The following VASN variants were observed in gnomAD, a reference collection of about 807,000 sequenced individuals.
VASN encodes protein slit-like 2.
VASN carries 5 observed loss-of-function variants against 4.8 expected under a neutral mutation model. The observed-to-expected ratio is 1.03, with a 90% CI of 0.54 to 2.17. The LOEUF (loss-of-function observed/expected upper bound fraction) is 2.17. Among genes scored for constraint, VASN ranks in the 30% most tolerant of loss-of-function variants. The pLI, the probability that VASN is intolerant of heterozygous loss-of-function variation, is 0.01. For missense variants in VASN, 927 were observed against 948.8 expected (o/e 0.98, Z 0.30); for synonymous variants, 499 against 460.8 (o/e 1.08, Z -1.06).
intron 1 of VASN, among the ~76,000 whole-genome samples, chr16:4,373,289 C>T (rs1469569197): frequency 6.6e-6 from 1 of 152,094 alleles, no homozygotes; most frequent in African/African-American, 2.4e-5. Context: ...TATCTAGCCT[C>T]CCCTGGGCCT....
intron 1 of VASN, among the ~76,000 whole-genome samples, chr16:4,378,325 C>A (rs1339127064): frequency 1.3e-5 from 2 of 151,776 alleles, no homozygotes; most frequent in Non-Finnish European, 2.9e-5. Flanking sequence ...CCAAGGGGAG[C>A]TGCGGCCACA....
chr16:4,372,606 G>T (rs7200336), intron 1 of VASN, among the ~76,000 whole-genome samples: 98,985 of 152,044 alleles, frequency 0.65, 33,700 homozygotes, highest in East Asian at 0.8. Flanking sequence ...CCTCTGCCAG[G>T]GAAGGGGCTT....
At chr16:4,373,750 G>A (rs1345859107) in intron 1 of VASN, among the ~76,000 whole-genome samples, 1 of 152,124 alleles carries the variant, frequency 6.6e-6, no homozygotes, top group African/African-American at 2.4e-5. Flanking sequence ...ACACAACACT[G>A]GGCAGCCTCT....
At chr16:4,374,692 T>C (rs536935466) in intron 1 of VASN, among the ~76,000 whole-genome samples, 3 of 152,134 alleles carry the variant, frequency 2.0e-5, no homozygotes, top group South Asian at 4.1e-4. Flanking sequence ...CGCCTGCCCA[T>C]TGATCAGCTC....
chr16:4,381,775 T>A lies in VASN; in HGVS notation c.898T>A (p.Phe300Ile), dbSNP rs2054982911. 5.6e-6 allele frequency: 9 copies of A among 1,601,178 alleles called. No homozygotes were observed. The highest frequency in any genetic ancestry group is 6.8e-6 in the Non-Finnish European group (8 of 1,179,342). ...LRLLAAARNP[F>I]NCVCPLSWFG... ...GCTGCTGGCAGCTGCCCGCAACCCC[T>A]TCAACTGCGTGTGCCCCCTGAGCTG... Residue 300 changes from phenylalanine (F) to isoleucine (I), a missense_variant, in exon 2 of 2, where the codon TTC becomes ATC. By Grantham distance (21) the Phe-to-Ile change is conservative (BLOSUM62 0). Transcript: ENST00000304735.
In VASN at chr16:4,383,518, G is replaced by C. The variant is rs1233845479; in HGVS notation, c.*619G>C. 1 of 166,980 alleles carries C rather than the reference G, an allele frequency of 6.0e-6. No individual in the cohort carries two copies. The highest frequency in any genetic ancestry group is 2.4e-5 in the African/African-American group (1 of 41,468). The allele number at this position is 166,980 out of a possible 1,614,324, so 10.3% of individuals were successfully genotyped here. ...CCTTTTGTAAGAAAAAATAAAAGAT[G>C]AAGTGTGTTTCTTGGGCTCAGCCCC... On this transcript the variant is annotated 3_prime_UTR_variant, in exon 2 of 2. Coordinates refer to ENST00000304735, the MANE Select transcript of VASN (RefSeq NM_138440.3).
Position 4,371,913 on chromosome 16 carries a change from A to AC in VASN, c.-85dup, listed in dbSNP as rs889100653. 1.2e-4 allele frequency: 18 copies of AC among 150,680 alleles called. No homozygotes were observed. Among genetic ancestry groups the AC allele is most frequent in the African/African-American group, 4.4e-4 (18 of 41,154 alleles). 9.3% of individuals were successfully genotyped at this position (150,680 alleles called of 1,614,324 possible). A position where few individuals can be genotyped will look rare whatever the true frequency, so the allele number is the denominator to read the frequency against. ...GAACGCAGTTGCTTCGGGACCCAGG[A>AC]CCCCCTCGGGCCCGACCCGCCAGGA... On this transcript the variant is annotated 5_prime_UTR_variant, in exon 1 of 2. Transcript: ENST00000304735.
Position 4,381,788 on chromosome 16 carries a change from G to T in VASN, c.911G>T (p.Cys304Phe). The T allele has an allele frequency of 6.2e-7, 1 of 1,600,398 alleles. No individual in the cohort carries two copies. The highest frequency in any genetic ancestry group is 8.5e-7 in the Non-Finnish European group (1 of 1,179,164). The change falls in exon 2 of 2, where the codon TGC (cysteine) becomes TTC (phenylalanine). Residue 304 changes from cysteine (C) to phenylalanine (F), a missense_variant. Cys to Phe is a radical substitution (Grantham distance 205). Coordinates refer to ENST00000304735, the MANE Select transcript of VASN (RefSeq NM_138440.3). ...AAARNPFNCVCPLSWFGPWVR... is the reference protein window; with the variant it reads ...AAARNPFNCVFPLSWFGPWVR... Reference sequence around the variant, plus strand: ...GCCCGCAACCCCTTCAACTGCGTGTGCCCCCTGAGCTGGTTTGGCCCCTGG... The same window carrying T: ...GCCCGCAACCCCTTCAACTGCGTGTTCCCCCTGAGCTGGTTTGGCCCCTGG...
Position 4,381,088 on chromosome 16 carries a change from A to G in VASN, c.211A>G (p.Ser71Gly), listed in dbSNP as rs2054939789. The G allele has an allele frequency of 6.2e-7, 1 of 1,609,426 alleles. No homozygotes were observed. The highest frequency in any genetic ancestry group is 8.5e-7 in the Non-Finnish European group (1 of 1,178,674). ...CGGCATCACCATGCTCGACGCAGGC[A>G]GCTTTGCCGGCCTGCCGGGCCTGCA... ...ENGITMLDAG[S>G]FAGLPGLQLL... is the part of the protein sequence containing the mutation. Residue 71 changes from serine (S) to glycine (G), a missense_variant, in exon 2 of 2, where the codon AGC becomes GGC. Transcript: ENST00000304735.
At chr16:4,379,285 C>T (rs1008064509) in intron 1 of VASN, among the ~76,000 whole-genome samples, 1 of 152,074 alleles carries the variant, frequency 6.6e-6, no homozygotes, top group Non-Finnish European at 1.5e-5. Flanking sequence ...GCTGGCACCC[C>T]GTATGAGGCT....
rs377213714 is a variant in VASN, at chr16:4,381,662, G to T, written c.785G>T (p.Gly262Val). ...CAGCTGCGGCCCGAGGACCTGGCCG[G>T]CCTGGCTGCCCTGCAGGAGCTGGAT... ...IAQLRPEDLA[G>V]LAALQELDVS... is the part of the protein sequence containing the mutation. The change falls in exon 2 of 2, where the codon GGC becomes GTC. Residue 262 changes from glycine (G) to valine (V), a missense_variant. Transcript: ENST00000304735. 6.2e-7 allele frequency: 1 copy of T among 1,604,014 alleles called. No homozygotes were observed. The highest frequency in any genetic ancestry group is 2.2e-5 in the East Asian group (1 of 44,624).
At position 4,382,118 on chromosome 16, in the gene VASN, G is replaced by A. The variant is rs2055000578; in HGVS notation, c.1241G>A (p.Cys414Tyr). 11 of 1,587,640 alleles carry A rather than the reference G, an allele frequency of 6.9e-6. No homozygotes were observed. Among genetic ancestry groups the A allele is most frequent in the Non-Finnish European group, 9.4e-6 (11 of 1,167,632 alleles). The change falls in exon 2 of 2, where the codon TGC becomes TAC. Residue 414 changes from cysteine to tyrosine, a missense_variant. Cys to Tyr is a radical substitution (Grantham distance 194). Transcript: ENST00000304735. ...PQPQDCPPST[C>Y]LNGGTCHLGT... ...CCCCAGGACTGCCCACCGTCCACCT[G>A]CCTCAATGGGGGCACATGCCACCTG...
Position 4,381,584 on chromosome 16 carries a change from G to A in VASN, c.707G>A (p.Arg236Gln), listed in dbSNP as rs756788083. The change falls in exon 2 of 2, where the codon CGA (arginine) becomes CAA (glutamine). Residue 236 changes from arginine to glutamine, a missense_variant. Arg to Gln is a conservative substitution (Grantham distance 43). Transcript: ENST00000304735. ...NQLERVPPVI[R>Q]GLRGLTRLRL... Reference sequence around the variant, plus strand: ...CTGGAGCGAGTGCCACCTGTGATCCGAGGCCTCCGGGGCCTGACGCGCCTG... The same window carrying A: ...CTGGAGCGAGTGCCACCTGTGATCCAAGGCCTCCGGGGCCTGACGCGCCTG... 1.2e-5 allele frequency: 19 copies of A among 1,603,320 alleles called. No homozygotes were observed. Among genetic ancestry groups the A allele is most frequent in the East Asian group, 4.5e-5 (2 of 44,332 alleles).
Position 4,382,596 on chromosome 16 carries a change from C to T in VASN, c.1719C>T (p.Asn573=). 6.3e-7 allele frequency: 1 copy of T among 1,589,232 alleles called. No homozygotes were observed. Among genetic ancestry groups the T allele is most frequent in the Non-Finnish European group, 8.6e-7 (1 of 1,169,538 alleles). The change falls in exon 2 of 2, where the codon AAC becomes AAT. Residue 573 remains asparagine, a synonymous_variant. Transcript: ENST00000304735. ...HAPVTQAREG[N]LPLLIAPALA... ...CAGTCACCCAGGCCCGCGAGGGCAACCTGCCGCTCCTCATTGCGCCCGCCC... is the reference window on the plus strand; with the variant it reads ...CAGTCACCCAGGCCCGCGAGGGCAATCTGCCGCTCCTCATTGCGCCCGCCC...
intron 1 of VASN, among the ~76,000 whole-genome samples, chr16:4,377,275 C>G (rs1055053457): frequency 1.3e-5 from 2 of 149,648 alleles, no homozygotes; most frequent in Non-Finnish European, 1.5e-5. Flanking sequence ...CCTCCTGCAC[C>G]AGGCAGAGGA....
chr16:4,373,992 G>A (rs2054624785), intron 1 of VASN, among the ~76,000 whole-genome samples: 1 of 152,204 alleles, frequency 6.6e-6, no homozygotes, highest in South Asian at 2.1e-4. Flanking sequence ...CCCCTCCCTG[G>A]GCTGGGGAGC....
chr16:4,380,911 C>T lies in VASN; in HGVS notation c.34C>T (p.Leu12Phe). ...CSRVPLLLPLLLLLALGPGVQ... is the reference protein window; with the variant it reads ...CSRVPLLLPLFLLLALGPGVQ... ...CAGGGTCCCTCTGCTGCTGCCGCTG[C>T]TCCTGCTACTGGCCCTGGGGCCTGG... The change falls in exon 2 of 2, where the codon CTC becomes TTC. Residue 12 changes from leucine to phenylalanine, a missense_variant. Transcript: ENST00000304735. 1 of 1,563,770 alleles carries T rather than the reference C, an allele frequency of 6.4e-7. No homozygotes were observed. The highest frequency in any genetic ancestry group is 8.6e-7 in the Non-Finnish European group (1 of 1,160,682).
chr16:4,380,870 G>T lies in VASN; in HGVS notation c.-8G>T. 1 of 1,509,764 alleles carries T rather than the reference G, an allele frequency of 6.6e-7. No individual in the cohort carries two copies. The highest frequency in any genetic ancestry group is 8.8e-7 in the Non-Finnish European group (1 of 1,136,966). 93.5% of individuals were successfully genotyped at this position (1,509,764 alleles called of 1,614,324 possible). A position where few individuals can be genotyped will look rare whatever the true frequency, so the allele number is the denominator to read the frequency against. On this transcript the variant is annotated splice_region_variant and 5_prime_UTR_variant, in exon 2 of 2. Coordinates refer to ENST00000304735, the MANE Select transcript of VASN (RefSeq NM_138440.3). ...TCTCTGCCTCCTCTCTGCTCCCAGG[G>T]ACAGAAGATGTGCTCCAGGGTCCCT... is the stretch of plus-strand genomic sequence containing the variant.
Position 4,381,894 on chromosome 16 carries a change from C to T in VASN, c.1017C>T (p.Leu339=). 3 of 1,605,810 alleles carry T rather than the reference C, an allele frequency of 1.9e-6. No homozygotes were observed. The highest frequency in any genetic ancestry group is 2.5e-6 in the Non-Finnish European group (3 of 1,179,422). The stretch of plus-strand genomic sequence containing the variant: ...CGCCCAAGAACGCTGGCCGGCTGCT[C>T]CTGGAGCTTGACTACGCCGACTTTG... ...HFPPKNAGRL[L]LELDYADFGC... Residue 339 remains leucine (L), a synonymous_variant, in exon 2 of 2, where the codon CTC becomes CTT. Transcript: ENST00000304735.
Sources: gnomAD v4.1 joint callset for allele counts (sites outside exome capture counted in the v4.1 genomes callset) on GRCh38, gnomAD v4.1.1 for gene constraint, MANE v1.5 for transcripts, NCBI Gene and HGNC (gene_info 2026-07-23, HGNC 2026-07-21) for gene names.